Variants in THADA observed in about 807,000 individuals in gnomAD.
THADA encodes tRNA (32-2'-O)-methyltransferase regulator THADA.
THADA carries 213 observed loss-of-function variants against 219.8 expected under a neutral mutation model. That is an observed-to-expected ratio of 0.97 (90% CI 0.87 to 1.09). The LOEUF (loss-of-function observed/expected upper bound fraction) is 1.09, where lower values mean the gene tolerates loss of function less well. Ranked by LOEUF, THADA falls within the 50% of genes least tolerant of loss-of-function variation. The probability of loss-of-function intolerance (pLI) is 0.00; values close to 1 mark genes in which losing one functional copy is unlikely to be tolerated. For missense variants in THADA, 2,956 were observed against 2,311.3 expected, an observed-to-expected ratio of 1.28 and a Z score of -5.72; for synonymous variants, 1,018 against 828.9, an observed-to-expected ratio of 1.23 and a Z score of -3.92.
chr2:43,484,591 A>C (rs1301435205), intron 26 of THADA: 1 of 166,434 alleles, frequency 6.0e-6, no homozygotes, highest in Admixed American at 6.5e-5. Context: ...CTTTAAAAAC[A>C]AACAGATCTT....
At chr2:43,398,280 G>A in intron 28 of THADA, 141 bp from the exon 29 acceptor site, 1 of 789,624 alleles carries the variant, frequency 1.3e-6, no homozygotes, top group Non-Finnish European at 1.9e-6. Flanking sequence ...CCCAAATGAT[G>A]TTTTGTATCT....
chr2:43,378,438 A>G (rs1029552245), intron 29 of THADA, among the ~76,000 whole-genome samples: 3 of 152,234 alleles, frequency 2.0e-5, no homozygotes, highest in Non-Finnish European at 4.4e-5. Context: ...TCTTGAGTAT[A>G]GTTAATATAA....
chr2:43,477,522 T>C (rs1319546292), intron 26 of THADA, among the ~76,000 whole-genome samples: 1 of 152,238 alleles, frequency 6.6e-6, no homozygotes, highest in Non-Finnish European at 1.5e-5. Flanking sequence ...CTACTCAATT[T>C]AGAAGTGGCA....
chr2:43,279,912 G>A lies in THADA; in HGVS notation c.5165-16C>T, dbSNP rs776108264. 6.7e-7 allele frequency: 1 copy of A among 1,500,592 alleles called. No individual in the cohort carries two copies. The highest frequency in any genetic ancestry group is 8.8e-7 in the Non-Finnish European group (1 of 1,130,722). 93.0% of individuals were successfully genotyped at this position (1,500,592 alleles called of 1,614,324 possible). On this transcript the variant is annotated splice_polypyrimidine_tract_variant and intron_variant, in intron 35 of 37. Coordinates refer to ENST00000405975, the MANE Select transcript of THADA (RefSeq NM_022065.5). Reference sequence around the variant, plus strand: ...TCCTGCAACTCTAAGAAGACCAAAAGGAATCTGAATTACCTAGAATGCAAT... The same window carrying A: ...TCCTGCAACTCTAAGAAGACCAAAAAGAATCTGAATTACCTAGAATGCAAT...
At chr2:43,548,228 T>G (rs1696297747) in intron 20 of THADA, among the ~76,000 whole-genome samples, 1 of 152,134 alleles carries the variant, frequency 6.6e-6, no homozygotes, top group Admixed American at 6.5e-5. Context: ...CTCTGGAAGT[T>G]TTGTCTCAGA....
chr2:43,533,994 G>A (rs1226035527), intron 21 of THADA, among the ~76,000 whole-genome samples: 1 of 152,084 alleles, frequency 6.6e-6, no homozygotes, highest in Non-Finnish European at 1.5e-5. Context: ...AAATAATAGA[G>A]TTTAGTAATA....
At chr2:43,402,013 C>G (rs1054628751) in intron 28 of THADA, among the ~76,000 whole-genome samples, 1 of 151,766 alleles carries the variant, frequency 6.6e-6, no homozygotes, top group Non-Finnish European at 1.5e-5. Flanking sequence ...GACTCTCTCA[C>G]AAGAGGAATA....
chr2:43,265,194 C>T (rs1333194564), intron 36 of THADA, among the ~76,000 whole-genome samples: 4 of 152,122 alleles, frequency 2.6e-5, no homozygotes, highest in South Asian at 2.1e-4. Context: ...CAAAGGCCAG[C>T]GGTGGGGGCG....
chr2:43,549,512 G>T, intron 19 of THADA, 144 bp from the exon 20 acceptor site: 1 of 829,920 alleles, frequency 1.2e-6, no homozygotes, highest in Non-Finnish European at 1.8e-6. Flanking sequence ...TGGATAATAT[G>T]AAAATTATTT....
intron 28 of THADA, among the ~76,000 whole-genome samples, chr2:43,427,753 G>C (rs567105105): frequency 6.7e-6 from 1 of 149,524 alleles, no homozygotes; most frequent in African/African-American, 2.4e-5. Context: ...TCAGGAGATC[G>C]AGACCATTCT....
Position 43,586,880 on chromosome 2 carries a change from G to A in THADA, c.425C>T (p.Ser142Phe), listed in dbSNP as rs764492617. The A allele has an allele frequency of 6.2e-7, 1 of 1,613,902 alleles. No homozygotes were observed. Among genetic ancestry groups the A allele is most frequent in the Non-Finnish European group, 8.5e-7 (1 of 1,179,864 alleles). ...CAAGTTAAAGTTCTCCATACAGGAA[G>A]AAATATTGTCAGTAACTTTCCTGTA... The part of the protein sequence containing the change: ...YSYRKVTDNI[S>F]SCMENFNLGR... The change falls in exon 5 of 38, where the codon TCT becomes TTT. Residue 142 changes from serine to phenylalanine, a missense_variant. Physicochemically the swap from Ser to Phe is radical, Grantham distance 155 (BLOSUM62 -2). Coordinates refer to ENST00000405975, the MANE Select transcript of THADA (RefSeq NM_022065.5).
chr2:43,399,643 GA>G (rs1228018865), intron 28 of THADA, among the ~76,000 whole-genome samples: 1 of 152,162 alleles, frequency 6.6e-6, no homozygotes, highest in African/African-American at 2.4e-5. Context: ...TCAGGATGGA[GA>G]AGAGGTCACC....
intron 7 of THADA, among the ~76,000 whole-genome samples, chr2:43,585,532 GTAGA>G (rs57755595): frequency 0.12 from 17,278 of 139,360 alleles, 1,107 homozygotes; most frequent in African/African-American, 0.17. Flanking sequence ...AAAAAAAAAT[GTAGA>G]TAGATAGATA....
intron 26 of THADA, among the ~76,000 whole-genome samples, chr2:43,445,567 C>T (rs1452225376): frequency 4.6e-5 from 7 of 152,252 alleles, no homozygotes; most frequent in East Asian, 1.9e-4. Context: ...GGAAAGCATC[C>T]TCCTCGGGGC....
chr2:43,565,136 AT>A (rs376126682), intron 15 of THADA: 8 of 152,308 alleles, frequency 5.3e-5, no homozygotes, highest in African/African-American at 1.9e-4. Flanking sequence ...ATATTGCAAA[AT>A]ATTAATAACT....
chr2:43,595,206 C>T (rs576854280), intron 1 of THADA, among the ~76,000 whole-genome samples: 2 of 152,204 alleles, frequency 1.3e-5, no homozygotes, highest in Non-Finnish European at 2.9e-5. Flanking sequence ...CATTCTACAT[C>T]TAAGTGACAT....
At chr2:43,582,592 G>C (rs1021150491) in intron 7 of THADA, among the ~76,000 whole-genome samples, 5 of 115,340 alleles carry the variant, frequency 4.3e-5, no homozygotes, top group African/African-American at 1.9e-4. Flanking sequence ...TTTTGAGACA[G>C]AGTCTCCCCC....
intron 36 of THADA, among the ~76,000 whole-genome samples, chr2:43,236,771 G>C (rs1384752846): frequency 1.3e-5 from 2 of 152,020 alleles, no homozygotes; most frequent in African/African-American, 4.8e-5. Flanking sequence ...TAGGAATAAA[G>C]ACAGCGTGGG....
rs569500735 is a variant in THADA at position 43,498,913 on chromosome 2, G to A, written c.3664C>T (p.Arg1222Cys). Reference protein sequence around the residue: ...NILRALFRDTRLGENIIPYVA... With the variant: ...NILRALFRDTCLGENIIPYVA... ...TAAGGAATAATATTTTCTCCCAGGC[G>A]CGTATCTCTGAACAATGCTCTAAGG... The change falls in exon 25 of 38, where the codon CGC becomes TGC. Residue 1222 changes from arginine to cysteine, a missense_variant. Physicochemically the swap from Arg to Cys is radical, Grantham distance 180 (BLOSUM62 -3). Coordinates refer to ENST00000405975, the MANE Select transcript of THADA (RefSeq NM_022065.5). 94 of 1,594,624 alleles carry A rather than the reference G, an allele frequency of 5.9e-5. No individual in the cohort carries two copies. In the South Asian group the frequency reaches 7.9e-4, roughly 13 times the overall value.
Sources: allele counts gnomAD v4.1 joint callset (sites outside exome capture counted in the v4.1 genomes callset), GRCh38; gene constraint gnomAD v4.1.1; transcripts MANE v1.5; gene names NCBI Gene and HGNC (gene_info 2026-07-23, HGNC 2026-07-21).